Variants in GLIS3 observed in about 807,000 individuals in gnomAD.
GLIS3 encodes zinc finger protein GLIS3.
In GLIS3, 53 loss-of-function variants were observed where a neutral mutation model predicts 78.6. The ratio of observed to expected loss-of-function variants is 0.67; its 90% confidence interval spans 0.54 to 0.85. The LOEUF (loss-of-function observed/expected upper bound fraction) is 0.85, where lower values mean the gene tolerates loss of function less well. GLIS3 is among the 40% of genes least tolerant of loss of function. The pLI is 0.00. For synonymous variants in GLIS3, 684 were observed against 509.9 expected, an observed-to-expected ratio of 1.34 and a Z score of -4.60; for missense variants, 1,703 against 1,231.1, an observed-to-expected ratio of 1.38 and a Z score of -5.74.
At chr9:4,344,830 G>A (rs1301118058) in intron 2 of GLIS3, among the ~76,000 whole-genome samples, 2 of 152,080 alleles carry the variant, frequency 1.3e-5, no homozygotes, top group Non-Finnish European at 2.9e-5. Context: ...AAAATTCCTT[G>A]TCTGCTCTCT....
rs59923144 is a variant in GLIS3, at chr9:3,860,272, CAAAAAAAAAAAAA to C, written c.2298-4101_2298-4089del. On this transcript the variant is annotated intron_variant, in intron 8 of 10. Coordinates refer to ENST00000381971, the MANE Select transcript of GLIS3 (RefSeq NM_001042413.2). ...CCTGGGTGACAGAGCAAGACTCTGTCAAAAAAAAAAAAAAAAAAAAAAAAAAAAAAACCTCTGG... is the reference window on the plus strand; with the variant it reads ...CCTGGGTGACAGAGCAAGACTCTGTCAAAAAAAAAAAAAAAAAACCTCTGG... Among the ~76,000 whole-genome samples, 41 of 53,610 alleles carry C rather than the reference CAAAAAAAAAAAAA, an allele frequency of 7.6e-4. 1 individual carries two copies. The East Asian group carries it at 0.018, about 23-fold the overall frequency. 35.2% of individuals were successfully genotyped at this position (53,610 alleles called of 152,430 possible). A position where few individuals can be genotyped will look rare whatever the true frequency, so the allele number is the denominator to read the frequency against.
chr9:4,197,717 T>A (rs1309602390), intron 2 of GLIS3, among the ~76,000 whole-genome samples: 1 of 152,148 alleles, frequency 6.6e-6, no homozygotes, highest in Non-Finnish European at 1.5e-5. Context: ...GTTGTCTAAG[T>A]CAGTAGAGAG....
intron 1 of GLIS3, among the ~76,000 whole-genome samples, chr9:4,289,959 G>T (rs182917755): frequency 1.1e-4 from 17 of 152,196 alleles, no homozygotes; most frequent in Non-Finnish European, 2.5e-4. Flanking sequence ...GAAAATGCGT[G>T]ACTTTAATCA....
intron 3 of GLIS3, among the ~76,000 whole-genome samples, chr9:4,120,621 G>C (rs914462560): frequency 2.0e-5 from 3 of 152,156 alleles, no homozygotes; most frequent in African/African-American, 7.2e-5. Flanking sequence ...ATTGCTTTCG[G>C]ACCCAAACTA....
At chr9:3,855,818 T>C in intron 9 of GLIS3, 191 bp downstream of exon 9, 1 of 656,302 alleles carries the variant, frequency 1.5e-6, no homozygotes, top group African/African-American at 1.8e-5. Flanking sequence ...AATCATACCA[T>C]CATCAGGCCA....
At chr9:4,352,372 T>C (rs906252412), upstream of GLIS3, among the ~76,000 whole-genome samples, 2 of 152,204 alleles carry the variant, frequency 1.3e-5, no homozygotes, top group African/African-American at 4.8e-5. Flanking sequence ...TGGTCATTTA[T>C]CTCCAAATTA....
At chr9:4,159,693 T>C (rs1564132510) in intron 2 of GLIS3, among the ~76,000 whole-genome samples, 1 of 150,262 alleles carries the variant, frequency 6.7e-6, no homozygotes, top group Non-Finnish European at 1.5e-5. Flanking sequence ...CACTCCAGCC[T>C]GGGTGAAGAA....
At chr9:4,234,413 A>G (rs985219619) in intron 2 of GLIS3, among the ~76,000 whole-genome samples, 1 of 152,214 alleles carries the variant, frequency 6.6e-6, no homozygotes, top group African/African-American at 2.4e-5. Flanking sequence ...AAGGAGAGGG[A>G]GAGAGATAGG....
intron 2 of GLIS3, among the ~76,000 whole-genome samples, chr9:4,142,025 G>A (rs574010850): frequency 2.0e-5 from 3 of 152,200 alleles, no homozygotes; most frequent in Non-Finnish European, 2.9e-5. Context: ...ATCCAGACAC[G>A]GTACCAGCAA....
At chr9:4,279,559 G>T (rs960475488) in intron 2 of GLIS3, among the ~76,000 whole-genome samples, 1 of 151,728 alleles carries the variant, frequency 6.6e-6, no homozygotes, top group African/African-American at 2.4e-5. Flanking sequence ...GAAAAATAAT[G>T]TATTGTGAAA....
chr9:3,890,635 A>G (rs1329749879), intron 7 of GLIS3, among the ~76,000 whole-genome samples: 1 of 152,042 alleles, frequency 6.6e-6, no homozygotes, highest in Admixed American at 6.6e-5. Flanking sequence ...AGAAAAGGAA[A>G]AGTAACCTCC....
intron 2 of GLIS3, among the ~76,000 whole-genome samples, chr9:4,176,888 T>C (rs143171503): frequency 6.6e-6 from 1 of 152,262 alleles, no homozygotes; most frequent in Non-Finnish European, 1.5e-5. Context: ...CCTCCCAAAG[T>C]GTTGGGATTA....
At chr9:4,091,158 C>T (rs1477387917) in intron 4 of GLIS3, among the ~76,000 whole-genome samples, 2 of 151,926 alleles carry the variant, frequency 1.3e-5, no homozygotes, top group East Asian at 1.9e-4. Flanking sequence ...AGGTGGAGAC[C>T]AGCCTGGTAA....
the GLIS3 span, among the ~76,000 whole-genome samples, chr9:4,458,661 G>A: frequency 2.0e-5 from 3 of 152,100 alleles, no homozygotes; most frequent in East Asian, 1.9e-4. Flanking sequence ...GGTGGCGCAC[G>A]TCTGTAGTCC....
chr9:4,105,124 T>C (rs1247170340), intron 4 of GLIS3, among the ~76,000 whole-genome samples: 2 of 152,210 alleles, frequency 1.3e-5, no homozygotes, highest in African/African-American at 4.8e-5. Context: ...AAGACAATTT[T>C]ATTTCCTTTC....
the GLIS3 span, among the ~76,000 whole-genome samples, chr9:4,376,529 A>C: frequency 7.4e-6 from 1 of 136,014 alleles, no homozygotes; most frequent in Non-Finnish European, 1.7e-5. Flanking sequence ...CAAAGCTAAA[A>C]GACAAGCAAA....
the GLIS3 span, chr9:4,490,345 C>T: frequency 5.5e-6 from 1 of 181,744 alleles, no homozygotes; most frequent in Non-Finnish European, 1.1e-5. Context: ...CTAGGGACCC[C>T]GGGCGTCCCA....
the GLIS3 span, among the ~76,000 whole-genome samples, chr9:4,381,319 C>CT: frequency 6.6e-6 from 1 of 152,086 alleles, no homozygotes; most frequent in African/African-American, 2.4e-5. Flanking sequence ...ATGATTATTG[C>CT]TTGCAGTATT....
chr9:4,273,777 T>C (rs72614076), intron 2 of GLIS3, among the ~76,000 whole-genome samples: 4 of 152,140 alleles, frequency 2.6e-5, no homozygotes, highest in Non-Finnish European at 5.9e-5. Context: ...GATTCTCTGA[T>C]GCTCACTCTC....
Sources: gnomAD v4.1 joint callset for allele counts (sites outside exome capture counted in the v4.1 genomes callset) on GRCh38, gnomAD v4.1.1 for gene constraint, MANE v1.5 for transcripts, NCBI Gene and HGNC (gene_info 2026-07-23, HGNC 2026-07-21) for gene names.